The following PLLP variants were observed in gnomAD, a reference collection of about 807,000 sequenced individuals.
PLLP encodes plasma membrane proteolipid (plasmolipin).
Under a neutral mutation model 19.7 loss-of-function variants are expected in PLLP, and 15 were observed. The ratio of observed to expected loss-of-function variants is 0.76; its 90% CI spans 0.51 to 1.17. The LOEUF is 1.17. PLLP is among the 50% of genes most tolerant of loss of function. The pLI, the probability that PLLP is intolerant of heterozygous loss-of-function variation, is 0.00. For synonymous variants in PLLP, 111 were observed against 116.3 expected, an observed-to-expected ratio of 0.95 and a Z score of 0.29; for missense variants, 255 against 258.3, an observed-to-expected ratio of 0.99 and a Z score of 0.09.
chr16:57,282,222 T>G (rs2146453047), intron 1 of PLLP, among the ~76,000 whole-genome samples: 1 of 117,608 alleles, frequency 8.5e-6, no homozygotes, highest in Non-Finnish European at 1.8e-5. Context: ...CTTTCTTTTT[T>G]CTTTTCTTTT....
intron 2 of PLLP, 90 bp downstream of exon 2, chr16:57,261,807 C>A: frequency 8.3e-7 from 1 of 1,208,766 alleles, no homozygotes; most frequent in Non-Finnish European, 1.2e-6. Context: ...GTGAGGATGT[C>A]AGGCCACCCC....
intron 1 of PLLP, among the ~76,000 whole-genome samples, chr16:57,281,221 A>G (rs759168602): frequency 4.6e-5 from 7 of 152,198 alleles, no homozygotes; most frequent in Non-Finnish European, 1.0e-4. Context: ...TAGGCCAGAA[A>G]AGTCAGAAAA....
intron 1 of PLLP, among the ~76,000 whole-genome samples, chr16:57,283,745 G>A (rs1348532495): frequency 1.3e-5 from 2 of 152,196 alleles, no homozygotes; most frequent in Non-Finnish European, 2.9e-5. Flanking sequence ...GCGATATCTC[G>A]GTCCCGTGGG....
At chr16:57,266,170 C>A (rs981939545) in intron 1 of PLLP, among the ~76,000 whole-genome samples, 1 of 152,138 alleles carries the variant, frequency 6.6e-6, no homozygotes, top group East Asian at 1.9e-4. Context: ...GGGCTGGGCA[C>A]CCAGGCTCCC....
intron 1 of PLLP, among the ~76,000 whole-genome samples, chr16:57,278,267 G>A (rs914770248): frequency 5.3e-5 from 8 of 152,186 alleles, no homozygotes; most frequent in South Asian, 2.1e-4. Context: ...GTGAACCCGG[G>A]AGGCGGAGGT....
intron 1 of PLLP, among the ~76,000 whole-genome samples, chr16:57,283,431 G>A (rs117331777): frequency 0.029 from 4,471 of 152,254 alleles, 220 homozygotes; most frequent in South Asian, 0.24. Flanking sequence ...AGCAGCGCTA[G>A]CACCCAGCAA....
chr16:57,269,573 C>T (rs7192005), intron 1 of PLLP, among the ~76,000 whole-genome samples: 76,103 of 151,578 alleles, frequency 0.5, 19,322 homozygotes, highest in South Asian at 0.73. Context: ...AGGGACGCCA[C>T]GAGGCAGGAA....
chr16:57,257,937 A>T (rs764901839), intron 3 of PLLP, among the ~76,000 whole-genome samples: 7 of 152,070 alleles, frequency 4.6e-5, no homozygotes, highest in Non-Finnish European at 1.0e-4. Context: ...TCAGCACTTT[A>T]ACAGGCCAAG....
intron 1 of PLLP, among the ~76,000 whole-genome samples, chr16:57,267,295 G>T (rs1003648724): frequency 6.6e-6 from 1 of 152,186 alleles, no homozygotes; most frequent in Non-Finnish European, 1.5e-5. Flanking sequence ...CTGGCCAGGC[G>T]CAGTGGCTCA....
intron 1 of PLLP, among the ~76,000 whole-genome samples, chr16:57,271,856 G>A (rs1284490418): frequency 3.3e-5 from 5 of 151,892 alleles, no homozygotes; most frequent in Non-Finnish European, 7.4e-5. Flanking sequence ...GGCAGCACTC[G>A]CAGGTGGGAT....
chr16:57,279,678 G>GAAAAA (rs141312419), intron 1 of PLLP, among the ~76,000 whole-genome samples: 3 of 142,414 alleles, frequency 2.1e-5, no homozygotes, highest in African/African-American at 7.8e-5. Flanking sequence ...TTGTCTCGAG[G>GAAAAA]AAAAAAAAAA....
intron 1 of PLLP, among the ~76,000 whole-genome samples, chr16:57,264,992 G>C (rs2075452685): frequency 6.6e-6 from 1 of 152,272 alleles, no homozygotes; most frequent in African/African-American, 2.4e-5. Context: ...GCCCAAAGTG[G>C]GAGGCCCAGG....
chr16:57,266,529 A>G (rs2075457835), intron 1 of PLLP, among the ~76,000 whole-genome samples: 1 of 152,234 alleles, frequency 6.6e-6, no homozygotes. Flanking sequence ...ATGTCTATGG[A>G]GAAGGGGCCA....
At chr16:57,260,489 G>C (rs949411368) in intron 2 of PLLP, among the ~76,000 whole-genome samples, 5 of 152,124 alleles carry the variant, frequency 3.3e-5, no homozygotes, top group Non-Finnish European at 5.9e-5. Flanking sequence ...TGCAAACGCT[G>C]CCTGTTTCTG....
chr16:57,274,544 C>T (rs549528776), intron 1 of PLLP, among the ~76,000 whole-genome samples: 7 of 151,908 alleles, frequency 4.6e-5, no homozygotes, highest in African/African-American at 9.7e-5. Context: ...CCTCTGCCTC[C>T]GGGGTTCAAG....
At chr16:57,270,613 A>G (rs528258293) in intron 1 of PLLP, among the ~76,000 whole-genome samples, 2 of 151,990 alleles carry the variant, frequency 1.3e-5, no homozygotes, top group Non-Finnish European at 2.9e-5. Flanking sequence ...CTTTATGGGG[A>G]CAAAAAGCCA....
chr16:57,256,835 G>T lies in PLLP; in HGVS notation c.*78C>A. ...GGCTGACTCCACGCAGGGCTCCCCA[G>T]CTTCAGGCTTGCAGGGTGACCCTGC... On this transcript the variant is annotated 3_prime_UTR_variant, in exon 4 of 4. Transcript: ENST00000219207. 2.1e-6 allele frequency: 2 copies of T among 959,212 alleles called. No individual in the cohort carries two copies. The highest frequency in any genetic ancestry group is 3.3e-6 in the Non-Finnish European group (2 of 603,564). The allele number at this position is 959,212 out of a possible 1,614,324, so 59.4% of individuals were successfully genotyped here. A position where few individuals can be genotyped will look rare whatever the true frequency, so the allele number is the denominator to read the frequency against.
chr16:57,264,986 A>C (rs2075452661), intron 1 of PLLP, among the ~76,000 whole-genome samples: 1 of 152,244 alleles, frequency 6.6e-6, no homozygotes, highest in Admixed American at 6.5e-5. Context: ...GGCTCAGCCC[A>C]AAGTGGGAGG....
intron 1 of PLLP, among the ~76,000 whole-genome samples, chr16:57,278,216 T>G (rs536672769): frequency 8.3e-4 from 127 of 152,218 alleles, no homozygotes; most frequent in Middle Eastern, 6.8e-3. Flanking sequence ...GGCAGGCACC[T>G]GTAGTCCCAG....
Sources: allele counts gnomAD v4.1 joint callset (sites outside exome capture counted in the v4.1 genomes callset), GRCh38; gene constraint gnomAD v4.1.1; transcripts MANE v1.5; gene names NCBI Gene and HGNC (gene_info 2026-07-23, HGNC 2026-07-21).